The following RALGAPB variants were observed in gnomAD, a reference collection of about 807,000 sequenced individuals.
RALGAPB encodes the protein ral GTPase-activating protein subunit beta.
Under a neutral mutation model 161.1 loss-of-function variants are expected in RALGAPB, and 25 were observed. The ratio of observed to expected loss-of-function variants is 0.16; its 90% CI spans 0.11 to 0.22. RALGAPB has a LOEUF of 0.22. Among genes scored for constraint, RALGAPB ranks in the 10% least tolerant of loss-of-function variants. The pLI is 1.00. For missense variants in RALGAPB, 1,391 were observed against 1,815.2 expected (o/e 0.77, Z 4.25); for synonymous variants, 629 against 626.1 (o/e 1.00, Z -0.07).
At chr20:38,544,656 C>T (rs961752100) in intron 18 of RALGAPB, among the ~76,000 whole-genome samples, 2 of 152,012 alleles carry the variant, frequency 1.3e-5, no homozygotes, top group Non-Finnish European at 2.9e-5. Flanking sequence ...TTAGTAGAGA[C>T]GGAGTTTTGC....
intron 1 of RALGAPB, among the ~76,000 whole-genome samples, chr20:38,475,229 T>C (rs2084770127): frequency 6.6e-6 from 1 of 152,254 alleles, no homozygotes; most frequent in Non-Finnish European, 1.5e-5. Flanking sequence ...GCCTTGTTGG[T>C]ATTTGGTAAA....
intron 6 of RALGAPB, among the ~76,000 whole-genome samples, chr20:38,515,338 T>C (rs577040808): frequency 6.6e-6 from 1 of 152,366 alleles, no homozygotes; most frequent in East Asian, 1.9e-4. Flanking sequence ...TATAGATCAC[T>C]GATTCCTATT....
chr20:38,499,655 G>A (rs780169763), intron 5 of RALGAPB, 22 bp downstream of exon 5: 1 of 1,592,576 alleles, frequency 6.3e-7, no homozygotes, highest in South Asian at 1.1e-5. Context: ...TCATTGCCCT[G>A]CCTTCCTTCA....
intron 6 of RALGAPB, among the ~76,000 whole-genome samples, chr20:38,514,143 C>T (rs538019911): frequency 6.6e-6 from 1 of 152,306 alleles, no homozygotes; most frequent in Non-Finnish European, 1.5e-5. Context: ...TCTTACTAGG[C>T]TCCATGAAGC....
At chr20:38,498,897 A>T (rs1388952236) in intron 4 of RALGAPB, among the ~76,000 whole-genome samples, 1 of 152,172 alleles carries the variant, frequency 6.6e-6, no homozygotes, top group South Asian at 2.1e-4. Flanking sequence ...TTGTATGGCA[A>T]AGTTTGGAGG....
intron 22 of RALGAPB, among the ~76,000 whole-genome samples, chr20:38,557,652 C>T (rs1356098406): frequency 6.6e-6 from 1 of 152,130 alleles, no homozygotes; most frequent in African/African-American, 2.4e-5. Flanking sequence ...TCACTTTTAT[C>T]AGTATGCATT....
intron 3 of RALGAPB, among the ~76,000 whole-genome samples, chr20:38,495,778 GC>G (rs2085411172): frequency 6.6e-6 from 1 of 151,962 alleles, no homozygotes; most frequent in Admixed American, 6.6e-5. Context: ...GTTTCTTTTA[GC>G]TTTAGAACTT....
intron 7 of RALGAPB, 49 bp downstream of exon 7, chr20:38,516,419 A>T: frequency 6.6e-7 from 1 of 1,525,092 alleles, no homozygotes; most frequent in South Asian, 1.2e-5. Context: ...CATTTAGATA[A>T]CTCTAGAGGC....
Position 38,521,489 on chromosome 20 carries a change from CT to C in RALGAPB, c.1418-7del. 6.2e-7 allele frequency: 1 copy of C among 1,613,994 alleles called. No individual in the cohort carries two copies. Among genetic ancestry groups the C allele is most frequent in the Non-Finnish European group, 8.5e-7 (1 of 1,179,920 alleles). On this transcript the variant is annotated splice_region_variant and splice_polypyrimidine_tract_variant and intron_variant, in intron 9 of 29. Coordinates refer to ENST00000262879, the MANE Select transcript of RALGAPB (RefSeq NM_020336.4). ...AAATATAATAAAACCCTCCTTTTCT[CT>C]CCCCAGCCATTACAACACAAGCTAG...
chr20:38,544,284 GCAGTAGCAGTATC>G (rs1329022202), intron 18 of RALGAPB, among the ~76,000 whole-genome samples: 1 of 151,634 alleles, frequency 6.6e-6, no homozygotes, highest in African/African-American at 2.4e-5. Flanking sequence ...TTTTGTCCAG[GCAGTAGCAGTATC>G]CAGAAGCAGT....
chr20:38,570,682 T>G, intron 27 of RALGAPB, 87 bp from the exon 28 acceptor site: 1 of 816,158 alleles, frequency 1.2e-6, no homozygotes, highest in Admixed American at 2.0e-5. Context: ...CACTCACTTA[T>G]GTAAAGCGAT....
chr20:38,501,406 G>A (rs2085590318), intron 5 of RALGAPB, among the ~76,000 whole-genome samples: 1 of 152,212 alleles, frequency 6.6e-6, no homozygotes, highest in South Asian at 2.1e-4. Context: ...GAGCTCAGGA[G>A]TTTGAGACCA....
chr20:38,530,918 G>T (rs1282203060), intron 13 of RALGAPB, among the ~76,000 whole-genome samples: 2 of 148,768 alleles, frequency 1.3e-5, no homozygotes, highest in Non-Finnish European at 1.5e-5. Context: ...ATATTTCTAG[G>T]CTATGCAGTT....
At chr20:38,504,942 A>T (rs901409021) in intron 5 of RALGAPB, among the ~76,000 whole-genome samples, 14 of 152,300 alleles carry the variant, frequency 9.2e-5, no homozygotes, top group Non-Finnish European at 2.1e-4. Context: ...TGCTGGCAAG[A>T]CTGCAGGGAA....
intron 16 of RALGAPB, chr20:38,537,683 A>T (rs554659649): frequency 1.3e-5 from 2 of 152,342 alleles, no homozygotes; most frequent in South Asian, 4.1e-4. Flanking sequence ...TTGATGAAAG[A>T]TTTGTATTCA....
rs1363541727 is a variant in RALGAPB at position 38,569,932 on chromosome 20, T to C, written c.3999T>C (p.Pro1333=). The C allele has an allele frequency of 6.2e-7, 1 of 1,613,744 alleles. No homozygotes were observed. The highest frequency in any genetic ancestry group is 1.7e-5 in the Admixed American group (1 of 59,962). Residue 1333 remains proline (P), a synonymous_variant, in exon 27 of 30, where the codon CCT becomes CCC. Coordinates refer to ENST00000262879, the MANE Select transcript of RALGAPB (RefSeq NM_020336.4). ...SRMRKLPQGR[P]VPPLGPETRV... Reference sequence around the variant, plus strand: ...TGAGGAAGCTGCCTCAGGGTCGCCCTGTTCCTCCCCTTGGACCTGAGACAA... The same window carrying C: ...TGAGGAAGCTGCCTCAGGGTCGCCCCGTTCCTCCCCTTGGACCTGAGACAA...
rs751713519 is a variant in RALGAPB at position 38,574,996 on chromosome 20, C to G, written c.*29C>G. 5 of 1,548,448 alleles carry G rather than the reference C, an allele frequency of 3.2e-6. No homozygotes were observed. Among genetic ancestry groups the G allele is most frequent in the Non-Finnish European group, 4.5e-6 (5 of 1,120,680 alleles). ...ACTGAATTTCTAAGACTGTTGAACT[C>G]CAGTTTGGGAACTATAACACAGCAG... On this transcript the variant is annotated 3_prime_UTR_variant, in exon 30 of 30. Coordinates refer to ENST00000262879, the MANE Select transcript of RALGAPB (RefSeq NM_020336.4).
chr20:38,535,787 G>T (rs2086787781), intron 16 of RALGAPB, among the ~76,000 whole-genome samples: 1 of 152,142 alleles, frequency 6.6e-6, no homozygotes, highest in Admixed American at 6.5e-5. Context: ...GTTTCACCAT[G>T]TTGGCCAGGC....
rs140477117 is a variant in RALGAPB at position 38,575,033 on chromosome 20, A to C, written c.*66A>C. On this transcript the variant is annotated 3_prime_UTR_variant, in exon 30 of 30. Transcript: ENST00000262879. ...CTATAACACAGCAGAACAGTTTGAT[A>C]GGTGATCACTGTAAAAATAAAAACA... The C allele has an allele frequency of 7.0e-6, 9 of 1,293,214 alleles. No homozygotes were observed. The highest frequency in any genetic ancestry group is 1.0e-5 in the Non-Finnish European group (9 of 896,150). 80.1% of individuals were successfully genotyped at this position (1,293,214 alleles called of 1,614,324 possible). A position where few individuals can be genotyped will look rare whatever the true frequency, so the allele number is the denominator to read the frequency against.
Sources: allele counts gnomAD v4.1 joint callset (sites outside exome capture counted in the v4.1 genomes callset), GRCh38; gene constraint gnomAD v4.1.1; transcripts MANE v1.5; gene names NCBI Gene and HGNC (gene_info 2026-07-23, HGNC 2026-07-21).